Variants in TMEM116 observed in about 807,000 individuals in gnomAD.
The protein encoded by TMEM116 is transmembrane protein 116.
A neutral mutation model predicts 44.3 loss-of-function variants in TMEM116; 38 were observed. That is an observed-to-expected ratio of 0.86 (90% CI 0.66 to 1.12). The LOEUF is 1.12. TMEM116 is among the 50% of genes most tolerant of loss of function. TMEM116 has a pLI of 0.00. For missense variants in TMEM116, 354 were observed against 401.7 expected (o/e 0.88, Z 1.01); for synonymous variants, 132 against 144.8 (o/e 0.91, Z 0.64).
At chr12:112,008,554 A>G (rs183703109) in intron 1 of TMEM116, among the ~76,000 whole-genome samples, 363 of 152,304 alleles carry the variant, frequency 2.4e-3, no homozygotes, top group African/African-American at 7.6e-3. Context: ...TATATTATAT[A>G]TCAATTCAAG....
At chr12:111,998,473 G>A (rs1205038791) in intron 3 of TMEM116, among the ~76,000 whole-genome samples, 1 of 152,180 alleles carries the variant, frequency 6.6e-6, no homozygotes, top group Non-Finnish European at 1.5e-5. Flanking sequence ...GAGAAGAAAA[G>A]CAGCCATGCA....
intron 4 of TMEM116, among the ~76,000 whole-genome samples, chr12:111,957,427 C>T (rs1280663728): frequency 2.6e-5 from 4 of 151,998 alleles, no homozygotes; most frequent in Non-Finnish European, 5.9e-5. Context: ...AGCCCCTCCG[C>T]CCGGCAGCCA....
At chr12:111,949,827 C>G (rs994724177) in intron 4 of TMEM116, among the ~76,000 whole-genome samples, 7 of 152,094 alleles carry the variant, frequency 4.6e-5, no homozygotes, top group Non-Finnish European at 1.0e-4. Context: ...TAAACTAAAA[C>G]CAAATAGGTC....
At chr12:111,940,486 C>CAT (rs1322560811) in intron 5 of TMEM116, among the ~76,000 whole-genome samples, 5 of 125,198 alleles carry the variant, frequency 4.0e-5, no homozygotes, top group African/African-American at 1.6e-4. Context: ...TACATACACA[C>CAT]ACACACACAC....
rs544848544 is a variant in TMEM116, at chr12:112,005,539, G to C, written c.-33-236C>G. 141 of 465,436 alleles carry C rather than the reference G, an allele frequency of 3.0e-4. 1 individual carries two copies. Among genetic ancestry groups the C allele is most frequent in the African/African-American group, 2.5e-3 (124 of 49,216 alleles). The allele number at this position is 465,436 out of a possible 1,614,324, so 28.8% of individuals were successfully genotyped here. A position where few individuals can be genotyped will look rare whatever the true frequency, so the allele number is the denominator to read the frequency against. On this transcript the variant is annotated intron_variant, in intron 1 of 10. Coordinates refer to ENST00000552374, the MANE Select transcript of TMEM116 (RefSeq NM_001193531.2). Reference sequence around the variant, plus strand: ...AAATAGTATGATTTTTTAAAAAATAGAGATGTGGATTGAAAAATGACTAAA... The same window carrying C: ...AAATAGTATGATTTTTTAAAAAATACAGATGTGGATTGAAAAATGACTAAA...
intron 4 of TMEM116, chr12:111,965,512 G>C (rs993204451): frequency 1.2e-5 from 2 of 163,460 alleles, no homozygotes; most frequent in African/African-American, 4.8e-5. Context: ...TTTTTCATTG[G>C]AATAACAAAA....
chr12:111,953,284 G>A (rs2073867641), intron 4 of TMEM116, among the ~76,000 whole-genome samples: 1 of 152,040 alleles, frequency 6.6e-6, no homozygotes, highest in South Asian at 2.1e-4. Context: ...CTTCGACATG[G>A]GACCAGACCA....
At chr12:112,008,858 C>T (rs1046259614) in intron 1 of TMEM116, among the ~76,000 whole-genome samples, 1 of 151,804 alleles carries the variant, frequency 6.6e-6, no homozygotes, top group Non-Finnish European at 1.5e-5. Flanking sequence ...GCCTGTAATG[C>T]CAGCTATTCA....
intron 4 of TMEM116, among the ~76,000 whole-genome samples, chr12:111,974,775 A>G (rs1363672252): frequency 6.6e-6 from 1 of 152,156 alleles, no homozygotes; most frequent in Non-Finnish European, 1.5e-5. Context: ...TGTCTACAAA[A>G]GAGCTATTCA....
chr12:112,009,763 T>C (rs2136756645), intron 1 of TMEM116, among the ~76,000 whole-genome samples: 1 of 151,740 alleles, frequency 6.6e-6, no homozygotes, highest in South Asian at 2.1e-4. Flanking sequence ...GGAAAATCAC[T>C]TGAACGCAGG....
intron 4 of TMEM116, among the ~76,000 whole-genome samples, chr12:111,957,527 C>T (rs1350006322): frequency 4.1e-4 from 62 of 149,876 alleles, no homozygotes; most frequent in African/African-American, 1.4e-3. Flanking sequence ...CCGCCCCGTC[C>T]GGGAGGTGGG....
intron 3 of TMEM116, chr12:111,992,907 T>C (rs565356481): frequency 1.3e-5 from 2 of 152,426 alleles, no homozygotes; most frequent in African/African-American, 4.8e-5. Flanking sequence ...AAGCTGACTC[T>C]GAATCTGATG....
chr12:111,970,659 T>C (rs2075281274), intron 4 of TMEM116, among the ~76,000 whole-genome samples: 2 of 150,256 alleles, frequency 1.3e-5, no homozygotes, highest in South Asian at 4.2e-4. Context: ...TGATCTCAGC[T>C]CACTGCAACC....
chr12:111,933,855 C>CA, intron 9 of TMEM116, 31 bp downstream of exon 9: 1 of 1,612,192 alleles, frequency 6.2e-7, no homozygotes, highest in Non-Finnish European at 8.5e-7. Flanking sequence ...CTGCCCTCTT[C>CA]ACTGCCCATC....
At chr12:111,991,731 G>C in intron 4 of TMEM116, 27 bp downstream of exon 4, 1 of 1,530,976 alleles carries the variant, frequency 6.5e-7, no homozygotes, top group East Asian at 2.5e-5. Context: ...TTCTTGCAAG[G>C]TGCAGTGACA....
chr12:111,993,480 T>C, intron 3 of TMEM116: 1 of 550,136 alleles, frequency 1.8e-6, no homozygotes, highest in Non-Finnish European at 3.6e-6. Context: ...TCACTGTATT[T>C]GGCTGCCTCT....
chr12:111,940,641 A>C (rs940963559), intron 5 of TMEM116, among the ~76,000 whole-genome samples: 4 of 151,068 alleles, frequency 2.6e-5, no homozygotes, highest in Non-Finnish European at 5.9e-5. Context: ...TATAAAGAGA[A>C]GTACAGTATA....
At chr12:111,971,099 A>T (rs2075306439) in intron 4 of TMEM116, among the ~76,000 whole-genome samples, 1 of 152,222 alleles carries the variant, frequency 6.6e-6, no homozygotes, top group South Asian at 2.1e-4. Context: ...ACAAAGGTGC[A>T]GTAAAAACAT....
intron 4 of TMEM116, among the ~76,000 whole-genome samples, chr12:111,954,853 G>A (rs1335311928): frequency 1.3e-5 from 2 of 152,244 alleles, no homozygotes; most frequent in Non-Finnish European, 2.9e-5. Context: ...CTGGGACAGT[G>A]TCTGGCATTG....
Sources: allele counts gnomAD v4.1 joint callset (sites outside exome capture counted in the v4.1 genomes callset), GRCh38; gene constraint gnomAD v4.1.1; transcripts MANE v1.5; gene names NCBI Gene and HGNC (gene_info 2026-07-23, HGNC 2026-07-21).